The following DCAF7 variants were observed in gnomAD, a reference collection of about 807,000 sequenced individuals.
DCAF7 encodes DDB1 and CUL4 associated factor 7.
DCAF7 carries 4 observed loss-of-function variants against 41.2 expected under a neutral mutation model. The observed-to-expected ratio is 0.10, with a 90% CI of 0.05 to 0.22. The LOEUF (loss-of-function observed/expected upper bound fraction) is 0.22. DCAF7 is among the 10% of genes least tolerant of loss of function. The pLI, the probability that DCAF7 is intolerant of heterozygous loss-of-function variation, is 1.00. For missense variants in DCAF7, 131 were observed against 443.2 expected (o/e 0.30, Z 6.32); for synonymous variants, 143 against 164.2 (o/e 0.87, Z 0.99).
chr17:63,567,028 T>C (rs1192948312), intron 1 of DCAF7, among the ~76,000 whole-genome samples: 2 of 152,116 alleles, frequency 1.3e-5, no homozygotes, highest in African/African-American at 2.4e-5. Flanking sequence ...GGTCTCAAAC[T>C]ACTGGGCTCA....
Position 63,578,490 on chromosome 17 carries a change from T to G in DCAF7, c.159T>G (p.Asp53Glu). Residue 53 changes from aspartate (D) to glutamate (E), a missense_variant, in exon 2 of 7, where the codon GAT becomes GAG. By Grantham distance (45) the Asp-to-Glu change is conservative. Coordinates refer to ENST00000614556, the MANE Select transcript of DCAF7 (RefSeq NM_005828.5). ...TACAGGTTCAGCTTGTTGGTTTAGA[T>G]GAGGAGAGTTCAGAGTTTATTTGCA... is the stretch of plus-strand genomic sequence containing the variant. ...YNNKVQLVGLDEESSEFICRN... is the reference protein window; with the variant it reads ...YNNKVQLVGLEEESSEFICRN... The G allele has an allele frequency of 6.2e-7, 1 of 1,614,040 alleles. No homozygotes were observed. Among genetic ancestry groups the G allele is most frequent in the African/African-American group, 1.3e-5 (1 of 75,070 alleles).
chr17:63,560,121 G>A (rs1179032989), intron 1 of DCAF7, among the ~76,000 whole-genome samples: 1 of 151,536 alleles, frequency 6.6e-6, no homozygotes, highest in African/African-American at 2.4e-5. Flanking sequence ...ATTCTTGAAC[G>A]TATGAAGAAC....
At chr17:63,574,258 G>A (rs2033537877) in intron 1 of DCAF7, among the ~76,000 whole-genome samples, 1 of 152,006 alleles carries the variant, frequency 6.6e-6, no homozygotes, top group African/African-American at 2.4e-5. Flanking sequence ...TTCCTCAGGT[G>A]CCCCATTTGA....
At chr17:63,587,401 A>C (rs1231880671) in intron 6 of DCAF7, among the ~76,000 whole-genome samples, 1 of 151,592 alleles carries the variant, frequency 6.6e-6, no homozygotes, top group Non-Finnish European at 1.5e-5. Context: ...TCCATTATTC[A>C]TGGAAAGCAG....
chr17:63,559,726 C>G (rs2033360477), intron 1 of DCAF7, among the ~76,000 whole-genome samples: 1 of 151,770 alleles, frequency 6.6e-6, no homozygotes, highest in Non-Finnish European at 1.5e-5. Context: ...CGCTTGAACC[C>G]AGGAGGCAGA....
At chr17:63,558,169 C>T (rs78617818) in intron 1 of DCAF7, among the ~76,000 whole-genome samples, 10,432 of 152,272 alleles carry the variant, frequency 0.069, 517 homozygotes, top group Middle Eastern at 0.13. Flanking sequence ...GCTGGGACTA[C>T]AGGCCTGGCA....
intron 4 of DCAF7, among the ~76,000 whole-genome samples, chr17:63,581,308 TAAG>T (rs1189042267): frequency 6.6e-6 from 1 of 152,188 alleles, no homozygotes; most frequent in Non-Finnish European, 1.5e-5. Flanking sequence ...GAACTACTCT[TAAG>T]TATTTGAACT....
At chr17:63,588,545 C>G (rs1162766464) in intron 6 of DCAF7, among the ~76,000 whole-genome samples, 1 of 148,520 alleles carries the variant, frequency 6.7e-6, no homozygotes, top group Non-Finnish European at 1.5e-5. Context: ...TATCAGTCTT[C>G]TATATAACAC....
chr17:63,587,380 G>A (rs1311997939), intron 6 of DCAF7, among the ~76,000 whole-genome samples: 1 of 151,672 alleles, frequency 6.6e-6, no homozygotes, highest in East Asian at 1.9e-4. Flanking sequence ...AAGCAGAAAA[G>A]AAAGGTGTCA....
intron 1 of DCAF7, among the ~76,000 whole-genome samples, chr17:63,567,002 T>C (rs1203824886): frequency 6.6e-6 from 1 of 152,134 alleles, no homozygotes; most frequent in Non-Finnish European, 1.5e-5. Context: ...TGAGGTCTCA[T>C]TATGTTGCCC....
intron 1 of DCAF7, among the ~76,000 whole-genome samples, chr17:63,555,484 G>A (rs549071522): frequency 2.1e-4 from 32 of 152,154 alleles, no homozygotes; most frequent in Non-Finnish European, 2.6e-4. Flanking sequence ...TAATTATTTC[G>A]ACTCCGGTAT....
In DCAF7 at chr17:63,562,004, A is replaced by G. The variant is rs369965537; in HGVS notation, c.138+11189A>G. 2.2e-4 allele frequency among the ~76,000 whole-genome samples: 31 copies of G among 141,378 alleles called. No individual in the cohort carries two copies. The East Asian group carries it at 5.7e-3, about 26-fold the overall frequency. The allele number at this position is 141,378 out of a possible 152,430, so 92.7% of individuals were successfully genotyped here. A position where few individuals can be genotyped will look rare whatever the true frequency, so the allele number is the denominator to read the frequency against. On this transcript the variant is annotated intron_variant, in intron 1 of 6. Transcript: ENST00000614556. ...AGAGTGTTCAGAATAAATGTATGTCAATGTCCAAAAAAAAAAAAAAAAAAC... is the reference window on the plus strand; with the variant it reads ...AGAGTGTTCAGAATAAATGTATGTCGATGTCCAAAAAAAAAAAAAAAAAAC...
At chr17:63,560,308 C>T (rs180701969) in intron 1 of DCAF7, among the ~76,000 whole-genome samples, 4 of 152,200 alleles carry the variant, frequency 2.6e-5, no homozygotes, top group Non-Finnish European at 5.9e-5. Context: ...GGTAATTCAT[C>T]CTACAGCTAT....
intron 6 of DCAF7, among the ~76,000 whole-genome samples, chr17:63,588,010 A>G (rs1452858010): frequency 1.3e-5 from 2 of 150,742 alleles, no homozygotes; most frequent in Non-Finnish European, 2.9e-5. Flanking sequence ...AAAAAGTAAT[A>G]TGAGCACATT....
intron 1 of DCAF7, among the ~76,000 whole-genome samples, chr17:63,572,701 A>G (rs1376111318): frequency 6.6e-6 from 1 of 152,202 alleles, no homozygotes; most frequent in Non-Finnish European, 1.5e-5. Flanking sequence ...TGTCTACTAA[A>G]TACTTCTTGA....
intron 4 of DCAF7, 106 bp downstream of exon 4, chr17:63,580,049 A>C (rs569951994): frequency 7.1e-4 from 561 of 785,956 alleles, no homozygotes; most frequent in Admixed American, 1.3e-3. Context: ...GTAGAAAATC[A>C]TAACATAACA....
intron 1 of DCAF7, among the ~76,000 whole-genome samples, chr17:63,554,206 A>T (rs1016168435): frequency 6.6e-6 from 1 of 152,230 alleles, no homozygotes; most frequent in Non-Finnish European, 1.5e-5. Flanking sequence ...CCCTGTCTCA[A>T]AAAACAGCCT....
chr17:63,563,620 C>A (rs1841234858), intron 1 of DCAF7, among the ~76,000 whole-genome samples: 1 of 152,024 alleles, frequency 6.6e-6, no homozygotes, highest in Non-Finnish European at 1.5e-5. Flanking sequence ...TCAGCCTGGG[C>A]AACATGGTGA....
intron 1 of DCAF7, among the ~76,000 whole-genome samples, chr17:63,566,361 ACT>A (rs1345506620): frequency 1.0e-5 from 1 of 99,378 alleles, no homozygotes; most frequent in African/African-American, 5.4e-5. Flanking sequence ...AAAGAGCGAG[ACT>A]CTGTCTCAAA....
Sources: allele counts gnomAD v4.1 joint callset (sites outside exome capture counted in the v4.1 genomes callset), GRCh38; gene constraint gnomAD v4.1.1; transcripts MANE v1.5; gene names NCBI Gene and HGNC (gene_info 2026-07-23, HGNC 2026-07-21).